LEF1: variants seen among roughly 807,000 people sequenced by gnomAD.
The protein encoded by LEF1 is lymphoid enhancer binding factor 1.
Under a neutral mutation model 51.2 loss-of-function variants are expected in LEF1, and 14 were observed. That is an observed-to-expected ratio of 0.27 (90% CI 0.18 to 0.43). The LOEUF (loss-of-function observed/expected upper bound fraction) is 0.43. Ranked by LOEUF, LEF1 falls within the 20% of genes least tolerant of loss-of-function variation. LEF1 has a pLI of 1.00. For synonymous variants in LEF1, 185 were observed against 183.2 expected, an observed-to-expected ratio of 1.01 and a Z score of -0.08; for missense variants, 386 against 512.0, an observed-to-expected ratio of 0.75 and a Z score of 2.37.
intron 4 of LEF1, among the ~76,000 whole-genome samples, chr4:108,087,605 T>C (rs1253915840): frequency 6.6e-5 from 10 of 152,194 alleles, no homozygotes; most frequent in Admixed American, 6.5e-5. Context: ...TACTGAACTA[T>C]GATTGATTTC....
intron 3 of LEF1, among the ~76,000 whole-genome samples, chr4:108,141,190 C>A (rs943087796): frequency 2.0e-5 from 3 of 152,172 alleles, no homozygotes; most frequent in African/African-American, 7.2e-5. Flanking sequence ...TTATTTTTGT[C>A]CTAATTCAGC....
chr4:108,148,664 A>AG (rs1744141314), intron 3 of LEF1, among the ~76,000 whole-genome samples: 1 of 152,236 alleles, frequency 6.6e-6, no homozygotes, highest in Admixed American at 6.5e-5. Flanking sequence ...GACTGTCAAA[A>AG]TAAGTATCTT....
chr4:108,130,078 A>C (rs1026707129), intron 3 of LEF1, among the ~76,000 whole-genome samples: 53 of 152,290 alleles, frequency 3.5e-4, no homozygotes, highest in African/African-American at 1.2e-3. Flanking sequence ...TCCAATAATC[A>C]CCTAGAGGAA....
At chr4:108,064,880 A>T (rs1737966526) in intron 9 of LEF1, among the ~76,000 whole-genome samples, 1 of 152,130 alleles carries the variant, frequency 6.6e-6, no homozygotes, top group Admixed American at 6.6e-5. Flanking sequence ...GCTTAAGATA[A>T]ACCTTACTGT....
chr4:108,100,877 A>G (rs1056586420), intron 3 of LEF1, among the ~76,000 whole-genome samples: 2 of 152,228 alleles, frequency 1.3e-5, no homozygotes, highest in Admixed American at 6.5e-5. Flanking sequence ...TTTCTTTGAC[A>G]AACAAGAGGA....
In LEF1 at chr4:108,117,195, G is replaced by C. The variant is rs927649326; in HGVS notation, c.415-27938C>G. On this transcript the variant is annotated intron_variant, in intron 3 of 11. Transcript: ENST00000265165. ...ATACTGCCACCCAGAAAAAAACTTA[G>C]AGATAAATTTCTTCCTAATTTTTCT... 3.3e-5 allele frequency among the ~76,000 whole-genome samples: 5 copies of C among 151,700 alleles called. No individual in the cohort carries two copies. In the East Asian group the frequency reaches 7.8e-4, roughly 24 times the overall value.
At chr4:108,157,023 T>A (rs1278012814) in intron 3 of LEF1, among the ~76,000 whole-genome samples, 5 of 152,022 alleles carry the variant, frequency 3.3e-5, no homozygotes, top group South Asian at 4.2e-4. Flanking sequence ...TCTTAGTAGG[T>A]CAAATTTTAA....
At chr4:108,084,933 T>C (rs1739545866) in intron 4 of LEF1, among the ~76,000 whole-genome samples, 2 of 152,144 alleles carry the variant, frequency 1.3e-5, no homozygotes, top group Admixed American at 1.3e-4. Context: ...TGTAAGGGGA[T>C]GGCTCAGTCG....
Position 108,120,101 on chromosome 4 carries a change from G to A in LEF1, c.415-30844C>T, listed in dbSNP as rs1475937085. Among the ~76,000 whole-genome samples the A allele has an allele frequency of 2.0e-5, 3 of 151,726 alleles. No homozygotes were observed. In the Middle Eastern group the frequency reaches 0.01, roughly 516 times the overall value. On this transcript the variant is annotated intron_variant, in intron 3 of 11. Coordinates refer to ENST00000265165, the MANE Select transcript of LEF1 (RefSeq NM_016269.5). ...GGCTGGAGTGCAGTGGTGTGATCAC[G>A]GCTCAATGTAGCCTTGAACTCCTGG... is the stretch of plus-strand genomic sequence containing the variant.
intron 3 of LEF1, among the ~76,000 whole-genome samples, chr4:108,114,690 C>T (rs1560800360): frequency 6.6e-6 from 1 of 152,190 alleles, no homozygotes; most frequent in Non-Finnish European, 1.5e-5. Context: ...CTGTGAGCAG[C>T]AGCCAAAGAG....
intron 3 of LEF1, among the ~76,000 whole-genome samples, chr4:108,132,890 C>T (rs1352736420): frequency 6.6e-6 from 1 of 151,854 alleles, no homozygotes; most frequent in African/African-American, 2.4e-5. Flanking sequence ...AGGCTTGTCT[C>T]CAACCCCTGG....
Position 108,070,915 on chromosome 4 carries a change from C to T in LEF1, c.1009-145G>A, listed in dbSNP as rs542613875. The T allele has an allele frequency of 1.5e-4, 93 of 620,900 alleles. 2 individuals are homozygous for T. Among genetic ancestry groups the T allele is most frequent in the South Asian group, 1.3e-3 (63 of 47,286 alleles). 38.5% of individuals were successfully genotyped at this position (620,900 alleles called of 1,614,324 possible). On this transcript the variant is annotated intron_variant, in intron 8 of 11. Transcript: ENST00000265165. The stretch of plus-strand genomic sequence containing the variant: ...TTGCAGAAGACCAAGTGCCAAGTGC[C>T]GTAGAAATCTCCTTGGAGTCTAGTG...
intron 3 of LEF1, among the ~76,000 whole-genome samples, chr4:108,153,052 C>T (rs1426396352): frequency 6.6e-6 from 1 of 152,250 alleles, no homozygotes; most frequent in Non-Finnish European, 1.5e-5. Flanking sequence ...CCCTTCCTCC[C>T]TAGCTTGGTC....
chr4:108,160,633 T>C (rs1385660021), intron 3 of LEF1, among the ~76,000 whole-genome samples: 1 of 152,200 alleles, frequency 6.6e-6, no homozygotes. Flanking sequence ...CCAATTAAAA[T>C]TCCCCTTGAG....
At position 108,125,041 on chromosome 4, in the gene LEF1, A is replaced by G. The variant is rs568266874; in HGVS notation, c.415-35784T>C. Among the ~76,000 whole-genome samples, 18 of 152,302 alleles carry G rather than the reference A, an allele frequency of 1.2e-4. No individual in the cohort carries two copies. In the South Asian group the frequency reaches 3.7e-3, roughly 32 times the overall value. On this transcript the variant is annotated intron_variant, in intron 3 of 11. Transcript: ENST00000265165. ...TGACTTAGAATTCTAACATACCAAC[A>G]TATTTTCCCATGATAGGCCAGTAAT...
At chr4:108,099,582 A>ATATATATATATGTGTG (rs1740653178) in intron 3 of LEF1, among the ~76,000 whole-genome samples, 1 of 45,660 alleles carries the variant, frequency 2.2e-5, no homozygotes, top group Non-Finnish European at 4.5e-5. Flanking sequence ...ATATATATAT[A>ATATATATATATGTGTG]TATATATATA....
chr4:108,074,062 A>G (rs1738684434), intron 8 of LEF1, among the ~76,000 whole-genome samples: 1 of 152,178 alleles, frequency 6.6e-6, no homozygotes, highest in South Asian at 2.1e-4. Context: ...TTTCTAATGT[A>G]CAAAAATGAC....
At chr4:108,097,780 T>C (rs1174508056) in intron 3 of LEF1, among the ~76,000 whole-genome samples, 1 of 152,160 alleles carries the variant, frequency 6.6e-6, no homozygotes, top group Non-Finnish European at 1.5e-5. Context: ...AGAGAAGTAT[T>C]TTACCAATCC....
chr4:108,136,223 A>C (rs1202807869), intron 3 of LEF1, among the ~76,000 whole-genome samples: 2 of 152,238 alleles, frequency 1.3e-5, no homozygotes, highest in Admixed American at 1.3e-4. Context: ...AAGTTCCATA[A>C]AGAACCTGCA....
Sources: allele counts gnomAD v4.1 joint callset (sites outside exome capture counted in the v4.1 genomes callset), GRCh38; gene constraint gnomAD v4.1.1; transcripts MANE v1.5; gene names NCBI Gene and HGNC (gene_info 2026-07-23, HGNC 2026-07-21).